The following HLCS variants were observed in gnomAD, a reference collection of about 807,000 sequenced individuals.
HLCS encodes holocarboxylase synthetase, also known as biotin--protein ligase.
In HLCS, 53 loss-of-function variants were observed where a neutral mutation model predicts 75.0. The observed-to-expected ratio is 0.71, with a 90% CI of 0.57 to 0.89. The LOEUF (loss-of-function observed/expected upper bound fraction) is 0.89, where lower values mean the gene tolerates loss of function less well. Ranked by LOEUF, HLCS falls within the 40% of genes least tolerant of loss-of-function variation. HLCS has a pLI of 0.00. For missense variants in HLCS, 966 were observed against 1,074.0 expected (o/e 0.90, Z 1.41); for synonymous variants, 431 against 428.6 (o/e 1.01, Z -0.07).
intron 6 of HLCS, among the ~76,000 whole-genome samples, chr21:36,895,000 G>C (rs935556705): frequency 6.6e-6 from 1 of 152,148 alleles, no homozygotes; most frequent in Non-Finnish European, 1.5e-5. Flanking sequence ...GGGAGCCTCA[G>C]CCTGTCCGCA....
chr21:36,919,597 C>T (rs182399311), intron 5 of HLCS, among the ~76,000 whole-genome samples: 21 of 152,232 alleles, frequency 1.4e-4, no homozygotes, highest in African/African-American at 5.1e-4. Flanking sequence ...CTAGGAAAAC[C>T]CAACTGTCAT....
intron 6 of HLCS, among the ~76,000 whole-genome samples, chr21:36,827,805 T>TTTTC (rs752003690): frequency 1.4e-5 from 2 of 146,004 alleles, no homozygotes; most frequent in South Asian, 4.4e-4. Context: ...GTATTTTTCT[T>TTTTC]TTTCTTTCTT....
At position 36,936,488 on chromosome 21, in the gene HLCS, C is replaced by G; in HGVS notation, c.1398G>C (p.Val466=). Residue 466 remains valine, a synonymous_variant, in exon 4 of 11, where the codon GTG becomes GTC. Transcript: ENST00000674895. Reference sequence around the variant, plus strand: ...CTTCTCCCCCGCGAGTTCCAAAAGGCACATGCACAATCATCCTGTCCTTGT... The same window carrying G: ...CTTCTCCCCCGCGAGTTCCAAAAGGGACATGCACAATCATCCTGTCCTTGT... ...NEDKDRMIVH[V]PFGTRGGEAV... 2 of 1,614,234 alleles carry G rather than the reference C, an allele frequency of 1.2e-6. No individual in the cohort carries two copies. The highest frequency in any genetic ancestry group is 1.7e-6 in the Non-Finnish European group (2 of 1,180,036).
chr21:36,850,253 T>C (rs573646268), intron 6 of HLCS, among the ~76,000 whole-genome samples: 1 of 152,318 alleles, frequency 6.6e-6, no homozygotes, highest in Non-Finnish European at 1.5e-5. Flanking sequence ...TAAATAACTA[T>C]ATGTTCTCTA....
At chr21:36,915,373 A>C (rs1373964853) in intron 5 of HLCS, among the ~76,000 whole-genome samples, 2 of 152,244 alleles carry the variant, frequency 1.3e-5, no homozygotes, top group African/African-American at 4.8e-5. Context: ...GAAAGAGAGA[A>C]GCGGCCCCAT....
rs1056426929 is a variant in HLCS, at chr21:36,749,999, C to T, written c.*4247G>A. On this transcript the variant is annotated 3_prime_UTR_variant, in exon 11 of 11. Coordinates refer to ENST00000674895, the MANE Select transcript of HLCS (RefSeq NM_001352514.2). ...AAAACGTCCTTGTCTAAACAAACTT[C>T]GTTTTCATAACCTAGAACATGAAGG... 9.9e-5 allele frequency: 15 copies of T among 152,202 alleles called. No individual in the cohort carries two copies. Among genetic ancestry groups the T allele is most frequent in the South Asian group, 2.1e-4 (1 of 4,832 alleles). 9.4% of individuals were successfully genotyped at this position (152,202 alleles called of 1,614,324 possible).
intron 2 of HLCS, among the ~76,000 whole-genome samples, chr21:36,956,630 T>G (rs1314352957): frequency 6.6e-6 from 1 of 152,020 alleles, no homozygotes; most frequent in Admixed American, 6.6e-5. Flanking sequence ...CTCGGGAGGC[T>G]GAGGCAGGAG....
chr21:36,898,372 G>A (rs1177734184), intron 5 of HLCS, among the ~76,000 whole-genome samples: 2 of 144,390 alleles, frequency 1.4e-5, no homozygotes, highest in African/African-American at 2.6e-5. Flanking sequence ...CTTGAACCTG[G>A]GAGGCAGAGG....
At chr21:36,910,546 G>GAA (rs201799627) in intron 5 of HLCS, among the ~76,000 whole-genome samples, 47,252 of 143,840 alleles carry the variant, frequency 0.33, 7,850 homozygotes, top group Middle Eastern at 0.45. Flanking sequence ...ACTCTGTATG[G>GAA]AAAAAAAAAA....
chr21:36,798,875 T>C (rs1277897183), intron 6 of HLCS, among the ~76,000 whole-genome samples: 2 of 152,242 alleles, frequency 1.3e-5, no homozygotes, highest in Non-Finnish European at 2.9e-5. Context: ...TTTAAAAAAA[T>C]TGAGTTGTCT....
chr21:36,797,027 C>G (rs941772885), intron 6 of HLCS, among the ~76,000 whole-genome samples: 1 of 151,982 alleles, frequency 6.6e-6, no homozygotes. Flanking sequence ...CAACCACACC[C>G]GGCTAATTTT....
intron 5 of HLCS, among the ~76,000 whole-genome samples, chr21:36,927,031 C>T (rs1347381706): frequency 6.6e-6 from 1 of 152,238 alleles, no homozygotes; most frequent in Non-Finnish European, 1.5e-5. Flanking sequence ...CAGGCTTGAG[C>T]CACTGCACCT....
At chr21:36,938,155 G>A (rs1465323857) in intron 3 of HLCS, among the ~76,000 whole-genome samples, 2 of 152,086 alleles carry the variant, frequency 1.3e-5, no homozygotes, top group East Asian at 1.9e-4. Flanking sequence ...AGTAAAAAGC[G>A]GTTTGATTTA....
intron 6 of HLCS, among the ~76,000 whole-genome samples, chr21:36,850,422 C>T (rs1439600800): frequency 6.6e-6 from 1 of 152,174 alleles, no homozygotes; most frequent in African/African-American, 2.4e-5. Context: ...TACTAGGTAA[C>T]CCCTGACCTG....
At chr21:36,987,679 T>C (rs1045381383) in intron 1 of HLCS, among the ~76,000 whole-genome samples, 3 of 152,288 alleles carry the variant, frequency 2.0e-5, no homozygotes, top group South Asian at 4.1e-4. Context: ...GTTCCTTTTT[T>C]ATCTTTGTAA....
At chr21:36,879,555 T>G (rs2064123416) in intron 6 of HLCS, among the ~76,000 whole-genome samples, 1 of 152,146 alleles carries the variant, frequency 6.6e-6, no homozygotes, top group African/African-American at 2.4e-5. Flanking sequence ...GATTTCCATT[T>G]TGGAATGGGG....
intron 6 of HLCS, among the ~76,000 whole-genome samples, chr21:36,872,287 G>A (rs2063797558): frequency 6.6e-6 from 1 of 151,816 alleles, no homozygotes; most frequent in African/African-American, 2.4e-5. Flanking sequence ...GCCAGGCGTG[G>A]TGGCGGGCGC....
At chr21:36,796,868 C>CTT (rs35181716) in intron 6 of HLCS, among the ~76,000 whole-genome samples, 1 of 146,372 alleles carries the variant, frequency 6.8e-6, no homozygotes, top group African/African-American at 2.5e-5. Context: ...TTATCATGAT[C>CTT]TTTTTTTTTT....
At chr21:36,867,918 C>T (rs140156246) in intron 6 of HLCS, among the ~76,000 whole-genome samples, 140 of 152,122 alleles carry the variant, frequency 9.2e-4, no homozygotes, top group African/African-American at 3.0e-3. Flanking sequence ...GGATCTCTTA[C>T]GGTTGGGAGG....
Sources: gnomAD v4.1 joint callset for allele counts (sites outside exome capture counted in the v4.1 genomes callset) on GRCh38, gnomAD v4.1.1 for gene constraint, MANE v1.5 for transcripts, NCBI Gene and HGNC (gene_info 2026-07-23, HGNC 2026-07-21) for gene names.